Variants in SH3GLB1 observed in about 807,000 individuals in gnomAD.
SH3GLB1 encodes SH3 domain containing GRB2 like, endophilin B1.
A neutral mutation model predicts 42.0 loss-of-function variants in SH3GLB1; 17 were observed. The ratio of observed to expected loss-of-function variants is 0.40; its 90% confidence interval spans 0.28 to 0.61. The LOEUF is 0.61. SH3GLB1 is among the 20% of genes least tolerant of loss of function. The pLI, the probability that SH3GLB1 is intolerant of heterozygous loss-of-function variation, is 0.36. For synonymous variants in SH3GLB1, 132 were observed against 146.6 expected (o/e 0.90, Z 0.72); for missense variants, 355 against 426.3 (o/e 0.83, Z 1.47).
At chr1:86,709,032 A>G (rs1266905043) in intron 1 of SH3GLB1, among the ~76,000 whole-genome samples, 1 of 152,238 alleles carries the variant, frequency 6.6e-6, no homozygotes, top group Non-Finnish European at 1.5e-5. Flanking sequence ...TTTTTTAAAG[A>G]TATAGCTTCA....
chr1:86,730,084 CTA>C, intron 5 of SH3GLB1: 1 of 1,594,156 alleles, frequency 6.3e-7, no homozygotes, highest in South Asian at 1.1e-5. Flanking sequence ...TTAATGCTGG[CTA>C]GATTTGGGCA....
intron 5 of SH3GLB1, chr1:86,728,396 A>C (rs766676007): frequency 6.6e-7 from 1 of 1,524,846 alleles, no homozygotes; most frequent in Admixed American, 2.0e-5. Context: ...CTTACTATGC[A>C]CTTAAGCAAC....
At chr1:86,727,366 A>G (rs557088679) in intron 5 of SH3GLB1, among the ~76,000 whole-genome samples, 168 of 152,148 alleles carry the variant, frequency 1.1e-3, no homozygotes, top group African/African-American at 4.0e-3. Context: ...GTTTTGAAAA[A>G]TAGATTGTGT....
chr1:86,722,654 G>T lies in SH3GLB1; in HGVS notation c.458G>T (p.Gly153Val). The T allele has an allele frequency of 1.2e-6, 2 of 1,604,638 alleles. No homozygotes were observed. Among genetic ancestry groups the T allele is most frequent in the Non-Finnish European group, 1.7e-6 (2 of 1,176,018 alleles). ...ACTCCTTTAAGAAACTTTATAGAAG[G>T]AGATTACAAAACAATTGCTGTGAGT... is the stretch of plus-strand genomic sequence containing the variant. ...FLTPLRNFIE[G>V]DYKTIAKERK... Residue 153 changes from glycine (G) to valine (V), a missense_variant, in exon 4 of 9, where the codon GGA becomes GTA. Physicochemically the swap from Gly to Val is moderately radical, Grantham distance 109 (BLOSUM62 -3). Coordinates refer to ENST00000370558, the MANE Select transcript of SH3GLB1 (RefSeq NM_016009.5).
At chr1:86,737,268 A>G (rs556329980) in intron 7 of SH3GLB1, among the ~76,000 whole-genome samples, 10 of 152,334 alleles carry the variant, frequency 6.6e-5, no homozygotes, top group African/African-American at 2.4e-4. Context: ...TAACGTATCA[A>G]TAAAAGTTCT....
intron 4 of SH3GLB1, among the ~76,000 whole-genome samples, chr1:86,723,507 C>T (rs1372678714): frequency 1.3e-5 from 2 of 151,656 alleles, no homozygotes; most frequent in African/African-American, 2.4e-5. Flanking sequence ...GAGTGAGACT[C>T]CATCTCAAAA....
Position 86,734,628 on chromosome 1 carries a change from A to G in SH3GLB1, c.597A>G (p.Gln199=), listed in dbSNP as rs1655688777. 2.5e-6 allele frequency: 4 copies of G among 1,613,196 alleles called. No homozygotes were observed. The highest frequency in any genetic ancestry group is 3.4e-6 in the Non-Finnish European group (4 of 1,179,320). ...CTGAACAGGAATTAAGAATAACTCA[A>G]AGTGAATTTGATCGTCAAGCAGAGA... ...NSSEQELRIT[Q]SEFDRQAEIT... Residue 199 remains glutamine (Q), a synonymous_variant, in exon 6 of 9, where the codon CAA becomes CAG. Coordinates refer to ENST00000370558, the MANE Select transcript of SH3GLB1 (RefSeq NM_016009.5).
chr1:86,723,935 C>T (rs1570267684), intron 4 of SH3GLB1, among the ~76,000 whole-genome samples: 1 of 152,172 alleles, frequency 6.6e-6, no homozygotes, highest in Non-Finnish European at 1.5e-5. Context: ...GAATGTTTGG[C>T]AACATTTCTG....
intron 5 of SH3GLB1, 181 bp from the exon 6 acceptor site, chr1:86,734,421 T>C (rs937442959): frequency 1.8e-6 from 1 of 546,872 alleles, no homozygotes; most frequent in Non-Finnish European, 3.3e-6. Flanking sequence ...CCAGGTGGAG[T>C]AATACAGAAA....
intron 2 of SH3GLB1, among the ~76,000 whole-genome samples, chr1:86,719,232 T>C (rs1290821368): frequency 6.6e-6 from 1 of 152,200 alleles, no homozygotes; most frequent in Non-Finnish European, 1.5e-5. Flanking sequence ...TAATCAGTCC[T>C]TTTCTGGAAC....
chr1:86,715,440 A>G (rs1320334588), intron 1 of SH3GLB1, among the ~76,000 whole-genome samples: 2 of 152,210 alleles, frequency 1.3e-5, no homozygotes, highest in African/African-American at 4.8e-5. Context: ...TGCATGCTTT[A>G]TATACCAAGA....
chr1:86,737,252 A>AT (rs1312119205), intron 7 of SH3GLB1, among the ~76,000 whole-genome samples: 3 of 152,322 alleles, frequency 2.0e-5, no homozygotes, highest in Admixed American at 6.5e-5. Flanking sequence ...AATTGCTATG[A>AT]TTTTTTAACG....
intron 5 of SH3GLB1, among the ~76,000 whole-genome samples, chr1:86,733,719 G>T (rs1158844919): frequency 6.6e-6 from 1 of 152,150 alleles, no homozygotes; most frequent in Non-Finnish European, 1.5e-5. Context: ...GAACTGTTTT[G>T]TCGCAGCAGT....
chr1:86,706,194 C>T (rs969948562), intron 1 of SH3GLB1, among the ~76,000 whole-genome samples: 1 of 152,220 alleles, frequency 6.6e-6, no homozygotes, highest in East Asian at 1.9e-4. Flanking sequence ...ACTTGCACAA[C>T]TAGTAAATAA....
At chr1:86,736,228 A>G (rs1655770856) in intron 7 of SH3GLB1, among the ~76,000 whole-genome samples, 1 of 152,122 alleles carries the variant, frequency 6.6e-6, no homozygotes, top group South Asian at 2.1e-4. Context: ...GAATTTATAT[A>G]TTGAGGAACC....
At chr1:86,720,818 A>G (rs1654822938) in intron 3 of SH3GLB1, among the ~76,000 whole-genome samples, 1 of 152,260 alleles carries the variant, frequency 6.6e-6, no homozygotes, top group Non-Finnish European at 1.5e-5. Context: ...CCACTAATCC[A>G]TTGACAGGCT....
rs1451027906 is a variant in SH3GLB1, at chr1:86,744,140, A to C, written c.*905A>C. 1 of 152,228 alleles carries C rather than the reference A, an allele frequency of 6.6e-6. No homozygotes were observed. Among genetic ancestry groups the C allele is most frequent in the African/African-American group, 2.4e-5 (1 of 41,464 alleles). The allele number at this position is 152,228 out of a possible 1,614,324, so 9.4% of individuals were successfully genotyped here. On this transcript the variant is annotated 3_prime_UTR_variant, in exon 9 of 9. Coordinates refer to ENST00000370558, the MANE Select transcript of SH3GLB1 (RefSeq NM_016009.5). The stretch of plus-strand genomic sequence containing the variant: ...AAATAAATTGGGTCACTCTGAGCTT[A>C]CTATTAAAACATTGAAAATTTATTA...
At chr1:86,731,179 T>G (rs1353250165) in intron 5 of SH3GLB1, among the ~76,000 whole-genome samples, 2 of 152,180 alleles carry the variant, frequency 1.3e-5, no homozygotes, top group Non-Finnish European at 2.9e-5. Flanking sequence ...TGCAGACTTG[T>G]TTCAAATGCT....
chr1:86,724,892 A>AAAAAAAAAATATATATATATATATAT (rs1291454820), intron 5 of SH3GLB1, among the ~76,000 whole-genome samples: 3 of 99,682 alleles, frequency 3.0e-5, no homozygotes, highest in South Asian at 3.0e-4. Flanking sequence ...AAAAAAAAAA[A>AAAAAAAAAATATATATATATATATAT]ATATATATAT....
Sources: gnomAD v4.1 joint callset for allele counts (sites outside exome capture counted in the v4.1 genomes callset) on GRCh38, gnomAD v4.1.1 for gene constraint, MANE v1.5 for transcripts, NCBI Gene and HGNC (gene_info 2026-07-23, HGNC 2026-07-21) for gene names.